PCDH15: variants seen among roughly 807,000 people sequenced by gnomAD.
The protein encoded by PCDH15 is protocadherin-15.
Under a neutral mutation model 178.5 loss-of-function variants are expected in PCDH15, and 129 were observed. That is an observed-to-expected ratio of 0.72 (90% CI 0.63 to 0.84). The LOEUF is 0.84. Among genes scored for constraint, PCDH15 ranks in the 40% least tolerant of loss-of-function variants. The pLI is 0.00. For synonymous variants in PCDH15, 800 were observed against 732.0 expected (o/e 1.09, Z -1.50); for missense variants, 2,230 against 2,099.9 (o/e 1.06, Z -1.21).
At position 55,535,803 on chromosome 10, in the gene PCDH15, C is replaced by G. The variant is rs114076732; in HGVS notation, c.-156+91822G>C. ...GATAATCTTTCTTAACACTTCATGCCAAATTAATATCTGTTTCCACTCTAT... is the reference window on the plus strand; with the variant it reads ...GATAATCTTTCTTAACACTTCATGCGAAATTAATATCTGTTTCCACTCTAT... On this transcript the variant is annotated intron_variant, in intron 2 of 5. Transcript: ENST00000613346. 1.5e-3 allele frequency among the ~76,000 whole-genome samples: 233 copies of G among 151,962 alleles called. 1 individual carries two copies. The highest frequency in any genetic ancestry group is 5.4e-3 in the African/African-American group (223 of 41,502).
chr10:54,566,630 T>A (rs1045790099), intron 2 of PCDH15, among the ~76,000 whole-genome samples: 156 of 152,162 alleles, frequency 1.0e-3, no homozygotes, highest in African/African-American at 3.7e-3. Context: ...ATTTGGTATT[T>A]TGAATTTACA....
At chr10:54,207,033 T>C (rs1490344355) in intron 10 of PCDH15, among the ~76,000 whole-genome samples, 2 of 152,100 alleles carry the variant, frequency 1.3e-5, no homozygotes, top group African/African-American at 4.8e-5. Flanking sequence ...TGAGAATGGA[T>C]AAATTGCCTT....
intron 2 of PCDH15, among the ~76,000 whole-genome samples, chr10:55,617,837 G>T (rs1843510207): frequency 6.6e-6 from 1 of 151,916 alleles, no homozygotes; most frequent in East Asian, 1.9e-4. Context: ...TCAGCTTTTA[G>T]AACATTCTTA....
chr10:55,506,960 A>T (rs1392642667), intron 2 of PCDH15, among the ~76,000 whole-genome samples: 2 of 151,600 alleles, frequency 1.3e-5, no homozygotes, highest in South Asian at 2.1e-4. Context: ...TGAAATAGTA[A>T]CATAGCTCAT....
At chr10:53,863,556 G>T (rs1234213179) in intron 27 of PCDH15, among the ~76,000 whole-genome samples, 1 of 151,970 alleles carries the variant, frequency 6.6e-6, no homozygotes, top group East Asian at 1.9e-4. Flanking sequence ...GTTTAAGAGA[G>T]GGTTCAATAG....
intron 2 of PCDH15, among the ~76,000 whole-genome samples, chr10:55,110,138 T>C (rs1161371762): frequency 6.6e-6 from 1 of 151,904 alleles, no homozygotes; most frequent in South Asian, 2.1e-4. Flanking sequence ...TTTCTAAAAA[T>C]TACTTAATTT....
At chr10:53,888,312 A>ATATG (rs1554845258) in intron 26 of PCDH15, among the ~76,000 whole-genome samples, 2 of 31,694 alleles carry the variant, frequency 6.3e-5, no homozygotes, top group East Asian at 2.0e-3. Context: ...ATATATATGT[A>ATATG]TATATGTACG....
intron 2 of PCDH15, among the ~76,000 whole-genome samples, chr10:55,475,475 T>C (rs1332034398): frequency 6.6e-6 from 1 of 152,188 alleles, no homozygotes; most frequent in East Asian, 1.9e-4. Flanking sequence ...TAAAAATGTA[T>C]ACAGGTTAAG....
At chr10:55,394,403 T>C (rs1010019343) in intron 2 of PCDH15, among the ~76,000 whole-genome samples, 3 of 151,970 alleles carry the variant, frequency 2.0e-5, no homozygotes. Flanking sequence ...ACAAAATTTA[T>C]ATGAATTTCT....
chr10:55,197,865 T>C (rs1293098013), intron 1 of PCDH15, among the ~76,000 whole-genome samples: 1 of 152,140 alleles, frequency 6.6e-6, no homozygotes. Context: ...TACTTATATA[T>C]CAATGTTTCA....
intron 3 of PCDH15, among the ~76,000 whole-genome samples, chr10:54,880,854 T>C (rs1954249977): frequency 6.6e-6 from 1 of 150,986 alleles, no homozygotes; most frequent in Admixed American, 6.7e-5. Flanking sequence ...AGCATAGGAT[T>C]TTTTAAAACT....
At chr10:54,200,529 C>T (rs2050129052) in intron 10 of PCDH15, among the ~76,000 whole-genome samples, 1 of 152,074 alleles carries the variant, frequency 6.6e-6, no homozygotes, top group Non-Finnish European at 1.5e-5. Flanking sequence ...TCACCTTCAT[C>T]TGTATTCACC....
chr10:55,282,102 T>C (rs1224178958), intron 1 of PCDH15, among the ~76,000 whole-genome samples: 1 of 152,178 alleles, frequency 6.6e-6, no homozygotes, highest in Non-Finnish European at 1.5e-5. Context: ...AATTCCTCTA[T>C]TTGAACTATC....
chr10:54,699,942 T>C (rs2095286164), intron 1 of PCDH15, among the ~76,000 whole-genome samples: 1 of 152,080 alleles, frequency 6.6e-6, no homozygotes, highest in Non-Finnish European at 1.5e-5. Context: ...ATTTTATGTA[T>C]TTTAAATATA....
chr10:54,082,786 CA>C (rs1302253779), intron 16 of PCDH15, among the ~76,000 whole-genome samples: 2 of 150,140 alleles, frequency 1.3e-5, no homozygotes, highest in African/African-American at 4.9e-5. Flanking sequence ...TTTTGTGCAT[CA>C]AGGGACATTA....
chr10:54,811,327 G>A (rs947089507), intron 3 of PCDH15, among the ~76,000 whole-genome samples: 12 of 152,150 alleles, frequency 7.9e-5, no homozygotes, highest in South Asian at 2.1e-4. Flanking sequence ...GCACTGATGC[G>A]GTGTTTGATA....
chr10:53,807,077 G>A lies in PCDH15; in HGVS notation c.4725C>T (p.Ser1575=). The A allele has an allele frequency of 6.2e-7, 1 of 1,612,730 alleles. No individual in the cohort carries two copies. ...CAGGAGCACTGTCTTCTCCAGTTGA[G>A]CTGGTTTCATACTCTCGATCAACAA... The part of the protein sequence containing the change: ...KLVVDREYET[S]STGEDSAPEC... Residue 1575 remains serine, a synonymous_variant, in exon 38 of 38, where the codon AGC becomes AGT. Coordinates refer to ENST00000644397, the MANE Select transcript of PCDH15 (RefSeq NM_001384140.1).
chr10:54,649,094 A>C (rs943060263), intron 2 of PCDH15, among the ~76,000 whole-genome samples: 1 of 152,194 alleles, frequency 6.6e-6, no homozygotes, highest in Non-Finnish European at 1.5e-5. Flanking sequence ...GAACATTAAC[A>C]GCATGAACTG....
intron 1 of PCDH15, among the ~76,000 whole-genome samples, chr10:55,223,955 T>C (rs1478821999): frequency 6.6e-6 from 1 of 151,994 alleles, no homozygotes; most frequent in Admixed American, 6.6e-5. Context: ...ACAAAATCCA[T>C]AAATAAACAA....
Sources: allele counts gnomAD v4.1 joint callset (sites outside exome capture counted in the v4.1 genomes callset), GRCh38; gene constraint gnomAD v4.1.1; transcripts MANE v1.5; gene names NCBI Gene and HGNC (gene_info 2026-07-23, HGNC 2026-07-21).